Variants in EXOC4 observed in about 807,000 individuals in gnomAD.
The protein encoded by EXOC4 is SEC8-like 1.
In EXOC4, 71 loss-of-function variants were observed where a neutral mutation model predicts 107.2. The ratio of observed to expected loss-of-function variants is 0.66; its 90% CI spans 0.55 to 0.81. EXOC4 has a LOEUF of 0.81. Among genes scored for constraint, EXOC4 ranks in the 30% least tolerant of loss-of-function variants. EXOC4 has a pLI of 0.00. For synonymous variants in EXOC4, 456 were observed against 441.2 expected (o/e 1.03, Z -0.42); for missense variants, 1,108 against 1,189.6 (o/e 0.93, Z 1.01).
chr7:133,739,222 T>TTGTG (rs72444310), intron 10 of EXOC4, among the ~76,000 whole-genome samples: 39,262 of 142,100 alleles, frequency 0.28, 5,163 homozygotes, highest in East Asian at 0.31. Context: ...GTAGAGGGGT[T>TTGTG]TGTGTGTGTG....
At chr7:133,406,262 T>TA (rs1797217160) in intron 7 of EXOC4, among the ~76,000 whole-genome samples, 1 of 152,184 alleles carries the variant, frequency 6.6e-6, no homozygotes, top group Non-Finnish European at 1.5e-5. Flanking sequence ...GCCATTTTCT[T>TA]ACACCATACT....
chr7:133,809,949 T>C (rs1045903557), intron 10 of EXOC4, among the ~76,000 whole-genome samples: 14 of 152,324 alleles, frequency 9.2e-5, no homozygotes, highest in African/African-American at 3.1e-4. Context: ...GAAAAATGAA[T>C]GATGTGCTCT....
chr7:133,546,798 A>G (rs1356956324), intron 9 of EXOC4, among the ~76,000 whole-genome samples: 1 of 152,118 alleles, frequency 6.6e-6, no homozygotes, highest in Non-Finnish European at 1.5e-5. Flanking sequence ...TTATTTATTT[A>G]AAATTTCTAC....
rs373847670 is a variant in EXOC4 at position 133,484,049 on chromosome 7, G to A, written c.1417+3911G>A. On this transcript the variant is annotated intron_variant, in intron 9 of 17. Coordinates refer to ENST00000253861, the MANE Select transcript of EXOC4 (RefSeq NM_021807.4). ...TTTCCTTCCGTTGCAGGGTAGCGGC[G>A]AAGAAATCCACCAGAAAGACAATCA... 4.6e-5 allele frequency: 74 copies of A among 1,613,932 alleles called. No individual in the cohort carries two copies. In the East Asian group the frequency reaches 6.2e-4, roughly 14 times the overall value.
intron 7 of EXOC4, among the ~76,000 whole-genome samples, chr7:133,439,700 C>G (rs1367260415): frequency 6.6e-6 from 1 of 152,166 alleles, no homozygotes; most frequent in Non-Finnish European, 1.5e-5. Context: ...TATCACTGGT[C>G]TGACACTCCT....
intron 14 of EXOC4, among the ~76,000 whole-genome samples, chr7:133,952,517 A>G (rs1185721208): frequency 6.6e-6 from 1 of 152,198 alleles, no homozygotes; most frequent in Non-Finnish European, 1.5e-5. Flanking sequence ...CATTTCAGCC[A>G]TTTTTAAATG....
At chr7:133,544,126 A>G (rs184659479) in intron 9 of EXOC4, among the ~76,000 whole-genome samples, 113 of 152,274 alleles carry the variant, frequency 7.4e-4, no homozygotes, top group African/African-American at 2.5e-3. Context: ...TTAAGAAATC[A>G]GCATATATTT....
intron 13 of EXOC4, among the ~76,000 whole-genome samples, chr7:133,918,950 T>C (rs1469564151): frequency 2.0e-5 from 3 of 152,202 alleles, no homozygotes; most frequent in Non-Finnish European, 4.4e-5. Context: ...CTCTCTCAAA[T>C]TGTGCAACTG....
rs564942543 is a variant in EXOC4 at position 133,768,779 on chromosome 7, A to G, written c.1515-48546A>G. On this transcript the variant is annotated intron_variant, in intron 10 of 17. Transcript: ENST00000253861. ...CAGGCACTGTATTAAGTGCAAGAGTAAAAAGGCATGGCCCTTCTTCTCAGA... is the reference window on the plus strand; with the variant it reads ...CAGGCACTGTATTAAGTGCAAGAGTGAAAAGGCATGGCCCTTCTTCTCAGA... Among the ~76,000 whole-genome samples, 6 of 152,086 alleles carry G rather than the reference A, an allele frequency of 3.9e-5. No individual in the cohort carries two copies. The South Asian group carries it at 1.0e-3, about 26-fold the overall frequency.
chr7:133,977,179 GA>G (rs1793856432), intron 14 of EXOC4, among the ~76,000 whole-genome samples: 1 of 152,210 alleles, frequency 6.6e-6, no homozygotes, highest in South Asian at 2.1e-4. Context: ...ACCTTGCTAA[GA>G]AGTCTGTTTT....
chr7:134,004,554 T>C (rs1366103993), intron 15 of EXOC4, among the ~76,000 whole-genome samples: 6 of 152,160 alleles, frequency 3.9e-5, no homozygotes, highest in African/African-American at 1.4e-4. Flanking sequence ...CCTACAACCC[T>C]GGCATTGAAG....
At chr7:133,939,917 A>G (rs1207640852) in intron 14 of EXOC4, among the ~76,000 whole-genome samples, 2 of 152,204 alleles carry the variant, frequency 1.3e-5, no homozygotes, top group Non-Finnish European at 2.9e-5. Context: ...TCCCCTCTAG[A>G]AAAAGTCAGA....
intron 5 of EXOC4, among the ~76,000 whole-genome samples, chr7:133,338,619 A>T (rs1795581062): frequency 6.7e-6 from 1 of 149,412 alleles, no homozygotes; most frequent in Non-Finnish European, 1.5e-5. Flanking sequence ...AAAAAAAAAA[A>T]AAAATTTTTA....
Position 133,356,572 on chromosome 7 carries a change from A to G in EXOC4, c.1006A>G (p.Arg336Gly). 6.2e-7 allele frequency: 1 copy of G among 1,613,862 alleles called. No homozygotes were observed. The highest frequency in any genetic ancestry group is 8.5e-7 in the Non-Finnish European group (1 of 1,179,842). ...GENVTVENQP[R>G]LLLELLELLF... ...GAACGTTACTGTGGAGAACCAACCA[A>G]GGTAGGTGGGAGTGTATTTTGTATT... The change falls in exon 6 of 18, where the codon AGG becomes GGG. Residue 336 changes from arginine (R) to glycine (G), a missense_variant and splice_region_variant. Transcript: ENST00000253861.
intron 10 of EXOC4, among the ~76,000 whole-genome samples, chr7:133,759,144 A>ATTTTTTTTTTTTTTTTTTTTTTT (rs34768347): frequency 5.0e-5 from 7 of 140,630 alleles, no homozygotes; most frequent in Non-Finnish European, 6.2e-5. Flanking sequence ...CAACAAAAGA[A>ATTTTTTTTTTTTTTTTTTTTTTT]TTTTTTTTTT....
At chr7:134,024,391 C>T (rs1795090266) in intron 17 of EXOC4, among the ~76,000 whole-genome samples, 1 of 151,044 alleles carries the variant, frequency 6.6e-6, no homozygotes, top group African/African-American at 2.4e-5. Context: ...GTGGAGCTTC[C>T]AGTGAGCCGA....
At chr7:133,696,716 G>C (rs937518053) in intron 10 of EXOC4, among the ~76,000 whole-genome samples, 3 of 152,166 alleles carry the variant, frequency 2.0e-5, no homozygotes, top group African/African-American at 7.2e-5. Flanking sequence ...CTTTAGAGCA[G>C]TGCATTAATC....
intron 9 of EXOC4, among the ~76,000 whole-genome samples, chr7:133,496,191 C>A (rs574500575): frequency 1.3e-5 from 2 of 152,144 alleles, no homozygotes; most frequent in South Asian, 4.2e-4. Flanking sequence ...GCTCTGTCCC[C>A]CAGGCTGGAG....
At chr7:133,597,224 G>A (rs959783695) in intron 9 of EXOC4, among the ~76,000 whole-genome samples, 1 of 152,118 alleles carries the variant, frequency 6.6e-6, no homozygotes, top group African/African-American at 2.4e-5. Context: ...TACAAGTCAG[G>A]TGTAGTTCAG....
Sources: gnomAD v4.1 joint callset for allele counts (sites outside exome capture counted in the v4.1 genomes callset) on GRCh38, gnomAD v4.1.1 for gene constraint, MANE v1.5 for transcripts, NCBI Gene and HGNC (gene_info 2026-07-23, HGNC 2026-07-21) for gene names.